The following SPATA16 variants were observed in gnomAD, a reference collection of about 807,000 sequenced individuals.
SPATA16 encodes spermatogenesis associated 16.
Under a neutral mutation model 63.3 loss-of-function variants are expected in SPATA16, and 36 were observed. That is an observed-to-expected ratio of 0.57 (90% CI 0.44 to 0.75). SPATA16 has a LOEUF of 0.75. Among genes scored for constraint, SPATA16 ranks in the 30% least tolerant of loss-of-function variants. The pLI, the probability that SPATA16 is intolerant of heterozygous loss-of-function variation, is 0.00. For synonymous variants in SPATA16, 203 were observed against 216.7 expected (o/e 0.94, Z 0.56); for missense variants, 646 against 679.3 (o/e 0.95, Z 0.54).
At chr3:172,924,631 G>A (rs553395151) in intron 7 of SPATA16, among the ~76,000 whole-genome samples, 17 of 152,198 alleles carry the variant, frequency 1.1e-4, no homozygotes, top group South Asian at 6.2e-4. Context: ...GAAAAAATGC[G>A]TCATAAATGT....
At chr3:173,129,449 G>A (rs1355884245) in intron 1 of SPATA16, among the ~76,000 whole-genome samples, 1 of 152,072 alleles carries the variant, frequency 6.6e-6, no homozygotes, top group African/African-American at 2.4e-5. Context: ...AAAATAACAT[G>A]TGTTAAGAAC....
At chr3:173,114,357 G>A (rs899253408) in intron 2 of SPATA16, among the ~76,000 whole-genome samples, 3 of 152,112 alleles carry the variant, frequency 2.0e-5, no homozygotes, top group African/African-American at 4.8e-5. Context: ...TTGCAGGTAT[G>A]TGTGGCCACA....
At chr3:173,119,092 G>A (rs1207532599) in intron 1 of SPATA16, among the ~76,000 whole-genome samples, 1 of 152,112 alleles carries the variant, frequency 6.6e-6, no homozygotes, top group Non-Finnish European at 1.5e-5. Context: ...ACTCATAAGT[G>A]GGAATTGAAC....
At chr3:173,053,458 A>C (rs1401056295) in intron 2 of SPATA16, among the ~76,000 whole-genome samples, 1 of 152,154 alleles carries the variant, frequency 6.6e-6, no homozygotes, top group Non-Finnish European at 1.5e-5. Context: ...AGGTTTCTCA[A>C]AGTTCTTTTA....
intron 2 of SPATA16, among the ~76,000 whole-genome samples, chr3:173,064,108 C>T (rs550690228): frequency 6.6e-6 from 1 of 152,128 alleles, no homozygotes; most frequent in African/African-American, 2.4e-5. Flanking sequence ...GAGTTTTAGA[C>T]CAGCTTGGCC....
At chr3:173,085,506 T>C (rs561220181) in intron 2 of SPATA16, among the ~76,000 whole-genome samples, 2 of 152,034 alleles carry the variant, frequency 1.3e-5, no homozygotes, top group Non-Finnish European at 2.9e-5. Flanking sequence ...TGCTTTATTT[T>C]TTTTTTCTCT....
At chr3:172,889,716 C>T (rs1350150909) in intron 10 of SPATA16, 24 bp from the exon 11 acceptor site, 1 of 1,610,750 alleles carries the variant, frequency 6.2e-7, no homozygotes, top group Non-Finnish European at 8.5e-7. Context: ...ACAGATGCAA[C>T]AAGATTTGTT....
intron 2 of SPATA16, among the ~76,000 whole-genome samples, chr3:173,104,415 GA>G (rs1221374919): frequency 1.3e-5 from 2 of 151,900 alleles, no homozygotes; most frequent in African/African-American, 2.4e-5. Flanking sequence ...ATTTATAAAA[GA>G]AAAAAAGGTT....
At chr3:173,137,256 A>G (rs1034100446) in intron 1 of SPATA16, among the ~76,000 whole-genome samples, 1 of 152,230 alleles carries the variant, frequency 6.6e-6, no homozygotes, top group African/African-American at 2.4e-5. Flanking sequence ...TTCAAATGGC[A>G]CCTCCCGCCC....
intron 10 of SPATA16, 102 bp downstream of exon 10, chr3:172,913,559 C>G (rs952489569): frequency 1.2e-4 from 137 of 1,159,256 alleles, no homozygotes; most frequent in East Asian, 4.8e-5. Flanking sequence ...AAAAAACAAA[C>G]CAAAGAACTT....
intron 9 of SPATA16, among the ~76,000 whole-genome samples, 175 bp downstream of exon 9, chr3:172,916,142 A>G (rs896124445): frequency 1.3e-5 from 2 of 152,194 alleles, no homozygotes; most frequent in African/African-American, 4.8e-5. Context: ...AAAACCAGAC[A>G]CACACCTTCC....
At position 172,935,215 on chromosome 3, in the gene SPATA16, A is replaced by C. The variant is rs117240874; in HGVS notation, c.1082-9723T>G. Among the ~76,000 whole-genome samples the C allele has an allele frequency of 3.9e-3, 592 of 152,284 alleles. 31 individuals carry two copies. The East Asian group carries it at 0.1, about 26-fold the overall frequency. On this transcript the variant is annotated intron_variant, in intron 6 of 10. Coordinates refer to ENST00000351008, the MANE Select transcript of SPATA16 (RefSeq NM_031955.6). ...CATGGTGGTACGTGTCAATAGTCCTACCTACTTAGAAGGTTGAGGTGTGAG... is the reference window on the plus strand; with the variant it reads ...CATGGTGGTACGTGTCAATAGTCCTCCCTACTTAGAAGGTTGAGGTGTGAG...
At chr3:172,976,702 C>A (rs1734168218) in intron 5 of SPATA16, among the ~76,000 whole-genome samples, 1 of 151,956 alleles carries the variant, frequency 6.6e-6, no homozygotes, top group African/African-American at 2.4e-5. Flanking sequence ...TAGTAGCACG[C>A]CTGGAAAAGT....
At chr3:172,992,893 C>T (rs998552846) in intron 4 of SPATA16, among the ~76,000 whole-genome samples, 1 of 152,114 alleles carries the variant, frequency 6.6e-6, no homozygotes, top group Admixed American at 6.6e-5. Context: ...CAGGATTTTA[C>T]AGAATTTATT....
chr3:173,033,434 G>A (rs182896128), intron 3 of SPATA16, among the ~76,000 whole-genome samples: 140 of 151,984 alleles, frequency 9.2e-4, no homozygotes, highest in Non-Finnish European at 1.6e-3. Flanking sequence ...TTCATTTTTC[G>A]TTCTTGACAT....
At chr3:173,096,349 G>A (rs1380789758) in intron 2 of SPATA16, among the ~76,000 whole-genome samples, 3 of 151,920 alleles carry the variant, frequency 2.0e-5, no homozygotes, top group Non-Finnish European at 4.4e-5. Context: ...TGCCCAAAAG[G>A]GACTTTTTGA....
chr3:173,009,934 A>G (rs1233775174), intron 4 of SPATA16, among the ~76,000 whole-genome samples: 1 of 152,194 alleles, frequency 6.6e-6, no homozygotes, highest in African/African-American at 2.4e-5. Context: ...TTGGTTTACT[A>G]TATGCAAATA....
chr3:173,001,097 C>T (rs769436767), intron 4 of SPATA16, among the ~76,000 whole-genome samples: 11 of 152,028 alleles, frequency 7.2e-5, no homozygotes, highest in Admixed American at 1.3e-4. Context: ...GTGCCTTGCA[C>T]GTTTTTATTA....
intron 2 of SPATA16, among the ~76,000 whole-genome samples, chr3:173,093,104 A>G (rs1220365134): frequency 2.7e-5 from 4 of 150,906 alleles, no homozygotes; most frequent in African/African-American, 9.7e-5. Context: ...TCAAGTTATG[A>G]TTGACAGTTA....
Sources: allele counts gnomAD v4.1 joint callset (sites outside exome capture counted in the v4.1 genomes callset), GRCh38; gene constraint gnomAD v4.1.1; transcripts MANE v1.5; gene names NCBI Gene and HGNC (gene_info 2026-07-23, HGNC 2026-07-21).